The following DERA variants were observed in gnomAD, a reference collection of about 807,000 sequenced individuals.
DERA encodes deoxyribose-phosphate aldolase, also known as 2-deoxy-D-ribose 5-phosphate aldolase.
A neutral mutation model predicts 41.1 loss-of-function variants in DERA; 15 were observed. That is an observed-to-expected ratio of 0.37 (90% CI 0.24 to 0.56). The LOEUF is 0.56. Ranked by LOEUF, DERA falls within the 20% of genes least tolerant of loss-of-function variation. The pLI is 0.81. For synonymous variants in DERA, 139 were observed against 137.4 expected (o/e 1.01, Z -0.08); for missense variants, 396 against 403.4 (o/e 0.98, Z 0.16).
At chr12:15,923,017 CT>C (rs1208644862) in intron 1 of DERA, among the ~76,000 whole-genome samples, 639 of 104,424 alleles carry the variant, frequency 6.1e-3, no homozygotes, top group African/African-American at 0.018. Flanking sequence ...TTTGTTTTTG[CT>C]TTTTTTTTTT....
chr12:15,958,290 C>G lies in DERA; in HGVS notation c.232C>G (p.Pro78Ala). The change falls in exon 3 of 9, where the codon CCA becomes GCA. Residue 78 changes from proline to alanine, a missense_variant. By Grantham distance (27) the Pro-to-Ala change is conservative. Coordinates refer to ENST00000428559, the MANE Select transcript of DERA (RefSeq NM_015954.4). ...IQRLCYKAKY[P>A]IREDLLKALN... The stretch of plus-strand genomic sequence containing the variant: ...AAGGCTCTGTTATAAAGCCAAATAC[C>G]CAATCCGGGAAGATCTCTTAAAAGC... 6.2e-7 allele frequency: 1 copy of G among 1,603,264 alleles called. No individual in the cohort carries two copies. The highest frequency in any genetic ancestry group is 2.2e-5 in the East Asian group (1 of 44,640).
intron 1 of DERA, among the ~76,000 whole-genome samples, chr12:15,947,888 T>C (rs1948464115): frequency 6.6e-6 from 1 of 152,230 alleles, no homozygotes; most frequent in East Asian, 1.9e-4. Context: ...TCAGGAGCTC[T>C]TTTAGGGCAG....
Position 15,935,234 on chromosome 12 carries a change from C to T in DERA, c.32-21702C>T, listed in dbSNP as rs1228178142. 1.3e-5 allele frequency among the ~76,000 whole-genome samples: 2 copies of T among 152,178 alleles called. No individual in the cohort carries two copies. The highest frequency in any genetic ancestry group is 2.9e-5 in the Non-Finnish European group (2 of 68,044). ...GAGTATGGTGGCTCATGCCTGTAAT[C>T]TCAGCACTTTGGGAGGCTGAGGTGG... On this transcript the variant is annotated intron_variant, in intron 1 of 8. Coordinates refer to ENST00000428559, the MANE Select transcript of DERA (RefSeq NM_015954.4). The surrounding 1 kb of genome is among the most constrained non-coding windows in gnomAD (Gnocchi z 4.8).
chr12:15,915,120 A>G lies in DERA; in HGVS notation c.31+3706A>G, dbSNP rs1948190084. ...GGATGGTCACTGCCTTCACAGAGCT[A>G]TTAATCGGTCTGGTTCAGGACCTGG... is the stretch of plus-strand genomic sequence containing the variant. On this transcript the variant is annotated intron_variant, in intron 1 of 8. Coordinates refer to ENST00000428559, the MANE Select transcript of DERA (RefSeq NM_015954.4). The surrounding 1 kb of genome is among the most constrained non-coding windows in gnomAD (Gnocchi z 4.8). Among the ~76,000 whole-genome samples the G allele has an allele frequency of 6.6e-6, 1 of 152,214 alleles. No homozygotes were observed. Among genetic ancestry groups the G allele is most frequent in the Non-Finnish European group, 1.5e-5 (1 of 68,038 alleles).
At chr12:15,991,386 G>GTTCTCCCAATA (rs1948801040) in intron 6 of DERA, among the ~76,000 whole-genome samples, 2 of 152,044 alleles carry the variant, frequency 1.3e-5, no homozygotes, top group African/African-American at 2.4e-5. Context: ...TTGCAAAAAT[G>GTTCTCCCAATA]TTCTCCCATT....
Position 15,957,083 on chromosome 12 carries a change from C to A in DERA, c.129+50C>A. 1 of 1,403,510 alleles carries A rather than the reference C, an allele frequency of 7.1e-7. No individual in the cohort carries two copies. The highest frequency in any genetic ancestry group is 1.0e-6 in the Non-Finnish European group (1 of 991,790). 86.9% of individuals were successfully genotyped at this position (1,403,510 alleles called of 1,614,324 possible). Reference sequence around the variant, plus strand: ...GTGCCTGTATTTTACAATGCATGGTCTCTTCCCTCAAGGCCACAATATTGA... The same window carrying A: ...GTGCCTGTATTTTACAATGCATGGTATCTTCCCTCAAGGCCACAATATTGA... On this transcript the variant is annotated intron_variant, in intron 2 of 8. Coordinates refer to ENST00000428559, the MANE Select transcript of DERA (RefSeq NM_015954.4). The surrounding 1 kb of genome is among the most constrained non-coding windows in gnomAD (Gnocchi z 4.8).
chr12:15,990,084 T>C lies in DERA; in HGVS notation c.637+7648T>C, dbSNP rs1948791785. Among the ~76,000 whole-genome samples the C allele has an allele frequency of 6.6e-6, 1 of 152,200 alleles. No homozygotes were observed. Among genetic ancestry groups the C allele is most frequent in the Admixed American group, 6.5e-5 (1 of 15,288 alleles). On this transcript the variant is annotated intron_variant, in intron 6 of 8. Transcript: ENST00000428559. This position sits in a 1 kb window ranked among gnomAD's most constrained non-coding sequence, Gnocchi z 4.3. ...GTACTTTGCAAGTTATTGAAAAATA[T>C]TAGTATACCTTCCTTCTCCATCCTA... is the stretch of plus-strand genomic sequence containing the variant.
chr12:16,009,770 C>G lies in DERA; in HGVS notation c.638-22772C>G, dbSNP rs1045547923. ...AATGTAGAAGACTCTAACATGTACT[C>G]TAAGGGGAGGAAATAAATGCCACAC... On this transcript the variant is annotated intron_variant, in intron 6 of 8. Coordinates refer to ENST00000428559, the MANE Select transcript of DERA (RefSeq NM_015954.4). This position sits in a 1 kb window ranked among gnomAD's most constrained non-coding sequence, Gnocchi z 5.3. 1.5e-4 allele frequency among the ~76,000 whole-genome samples: 23 copies of G among 152,146 alleles called. No homozygotes were observed. The highest frequency in any genetic ancestry group is 2.9e-4 in the Non-Finnish European group (20 of 68,018).
At chr12:15,973,438 G>C (rs1303207996) in intron 5 of DERA, among the ~76,000 whole-genome samples, 1 of 27,852 alleles carries the variant, frequency 3.6e-5, no homozygotes, top group Admixed American at 4.0e-4. Flanking sequence ...ATAATATATG[G>C]CAAGAATTGC....
rs916138453 is a variant in DERA, at chr12:15,918,291, G to A, written c.31+6877G>A. 1.3e-5 allele frequency among the ~76,000 whole-genome samples: 2 copies of A among 152,124 alleles called. No individual in the cohort carries two copies. Among genetic ancestry groups the A allele is most frequent in the Non-Finnish European group, 1.5e-5 (1 of 68,026 alleles). ...GGGCTGTGGACCTCTGTGCCCGGCC[G>A]CCTCGCCTCCCTCTGCAGGTGGATA... On this transcript the variant is annotated intron_variant, in intron 1 of 8. Coordinates refer to ENST00000428559, the MANE Select transcript of DERA (RefSeq NM_015954.4). This position sits in a 1 kb window ranked among gnomAD's most constrained non-coding sequence, Gnocchi z 4.3.
chr12:15,949,112 G>C (rs976859544), intron 1 of DERA, among the ~76,000 whole-genome samples: 3 of 152,130 alleles, frequency 2.0e-5, no homozygotes, highest in East Asian at 3.9e-4. Context: ...TGCTCCTACT[G>C]GGGGGTGCCT....
chr12:15,937,670 C>T (rs1201509141), intron 1 of DERA, among the ~76,000 whole-genome samples: 6 of 152,016 alleles, frequency 3.9e-5, no homozygotes, highest in African/African-American at 1.2e-4. Context: ...CTTCTCCCTT[C>T]TCCTTTGGTG....
intron 6 of DERA, among the ~76,000 whole-genome samples, chr12:16,015,434 G>T (rs909773930): frequency 1.3e-5 from 2 of 152,134 alleles, no homozygotes; most frequent in African/African-American, 4.8e-5. Flanking sequence ...CCTTCACTTG[G>T]CACATCTCCT....
At chr12:15,997,852 T>C (rs893658966) in intron 6 of DERA, among the ~76,000 whole-genome samples, 1 of 152,202 alleles carries the variant, frequency 6.6e-6, no homozygotes, top group African/African-American at 2.4e-5. Context: ...ATTTGTACAT[T>C]GTCAGATATA....
Position 15,922,670 on chromosome 12 carries a change from G to A in DERA, c.31+11256G>A, listed in dbSNP as rs1948252370. 6.6e-6 allele frequency among the ~76,000 whole-genome samples: 1 copy of A among 152,200 alleles called. No individual in the cohort carries two copies. Among genetic ancestry groups the A allele is most frequent in the African/African-American group, 2.4e-5 (1 of 41,438 alleles). Reference sequence around the variant, plus strand: ...CTGTGGAAAGAATGTCAGGGAATGTGTACCTGCCCATTTGTGCTTCATTGA... The same window carrying A: ...CTGTGGAAAGAATGTCAGGGAATGTATACCTGCCCATTTGTGCTTCATTGA... On this transcript the variant is annotated intron_variant, in intron 1 of 8. Transcript: ENST00000428559. This position sits in a 1 kb window ranked among gnomAD's most constrained non-coding sequence, Gnocchi z 4.9.
Position 15,966,415 on chromosome 12 carries a change from G to T in DERA, c.508+3468G>T, listed in dbSNP as rs1169588891. Among the ~76,000 whole-genome samples the T allele has an allele frequency of 6.6e-6, 1 of 151,326 alleles. No homozygotes were observed. Among genetic ancestry groups the T allele is most frequent in the Admixed American group, 6.6e-5 (1 of 15,164 alleles). Reference sequence around the variant, plus strand: ...GGAGGCAGAGGTTGCAGGGAGCCAAGATTGCGCCACTGCACTGCAACCTGA... The same window carrying T: ...GGAGGCAGAGGTTGCAGGGAGCCAATATTGCGCCACTGCACTGCAACCTGA... On this transcript the variant is annotated intron_variant, in intron 5 of 8. Coordinates refer to ENST00000428559, the MANE Select transcript of DERA (RefSeq NM_015954.4). The surrounding 1 kb of genome is among the most constrained non-coding windows in gnomAD (Gnocchi z 5.1).
intron 1 of DERA, among the ~76,000 whole-genome samples, chr12:15,948,645 C>T (rs1427530222): frequency 1.3e-5 from 2 of 152,208 alleles, no homozygotes; most frequent in South Asian, 2.1e-4. Context: ...ACTGGTCGAA[C>T]TTCCTCTTTT....
rs1012444776 is a variant in DERA, at chr12:15,938,473, T to C, written c.32-18463T>C. On this transcript the variant is annotated intron_variant, in intron 1 of 8. Transcript: ENST00000428559. This position sits in a 1 kb window ranked among gnomAD's most constrained non-coding sequence, Gnocchi z 4.1. ...TTATAAAACAACACAAGTTGAATTA[T>C]TACTCTGCTTTAATAAGCTTCTTAG... is the stretch of plus-strand genomic sequence containing the variant. Among the ~76,000 whole-genome samples, 6 of 152,194 alleles carry C rather than the reference T, an allele frequency of 3.9e-5. No homozygotes were observed. Among genetic ancestry groups the C allele is most frequent in the African/African-American group, 1.4e-4 (6 of 41,448 alleles).
In DERA at chr12:15,996,133, C is replaced by T. The variant is rs1223630407; in HGVS notation, c.637+13697C>T. Among the ~76,000 whole-genome samples the T allele has an allele frequency of 6.8e-6, 1 of 147,018 alleles. No individual in the cohort carries two copies. Among genetic ancestry groups the T allele is most frequent in the Non-Finnish European group, 1.5e-5 (1 of 66,840 alleles). ...GCAGAAGAGAAAATTATTTCATATG[C>T]AGACACAGACACACACACAGAGCAT... On this transcript the variant is annotated intron_variant, in intron 6 of 8. Transcript: ENST00000428559. This position sits in a 1 kb window ranked among gnomAD's most constrained non-coding sequence, Gnocchi z 4.7.
Sources: gnomAD v4.1 joint callset for allele counts (sites outside exome capture counted in the v4.1 genomes callset) on GRCh38, gnomAD v4.1.1 for gene constraint, Gnocchi (gnomAD v3.1) non-coding constraint, MANE v1.5 for transcripts, NCBI Gene and HGNC (gene_info 2026-07-23, HGNC 2026-07-21) for gene names.